The following TP53INP1 variants were observed in gnomAD, a reference collection of about 807,000 sequenced individuals.
TP53INP1 encodes the protein tumor protein p53 inducible nuclear protein 1, also known as tumor protein p53-inducible nuclear protein 1.
Under a neutral mutation model 21.0 loss-of-function variants are expected in TP53INP1, and 12 were observed. The ratio of observed to expected loss-of-function variants is 0.57; its 90% confidence interval spans 0.37 to 0.93. TP53INP1 has a LOEUF of 0.93. TP53INP1 is among the 40% of genes least tolerant of loss of function. The probability of loss-of-function intolerance (pLI) is 0.01; values close to 1 mark genes in which losing one functional copy is unlikely to be tolerated. For synonymous variants in TP53INP1, 91 were observed against 94.8 expected (o/e 0.96, Z 0.23); for missense variants, 274 against 294.7 (o/e 0.93, Z 0.51).
At position 94,942,239 on chromosome 8, in the gene TP53INP1, A is replaced by G. The variant is rs181292924; in HGVS notation, c.-150-1148T>C. ...TTTTATTTAGTGGAGACAGGGTTTC[A>G]CCATGTTAGCCAGGATGGTCTCGAT... On this transcript the variant is annotated intron_variant, in intron 1 of 3. Coordinates refer to ENST00000342697, the MANE Select transcript of TP53INP1 (RefSeq NM_033285.4). Among the ~76,000 whole-genome samples the G allele has an allele frequency of 9.4e-4, 143 of 151,696 alleles. 3 individuals carry two copies. Among genetic ancestry groups the G allele is most frequent in the Admixed American group, 1.2e-3 (19 of 15,232 alleles).
At chr8:94,932,689 G>A (rs1820536725) in intron 3 of TP53INP1, among the ~76,000 whole-genome samples, 2 of 152,192 alleles carry the variant, frequency 1.3e-5, no homozygotes, top group Admixed American at 6.5e-5. Flanking sequence ...TGTAGTCCCA[G>A]CTACTCGGGA....
intron 3 of TP53INP1, among the ~76,000 whole-genome samples, chr8:94,937,582 G>C (rs551451002): frequency 6.6e-6 from 1 of 152,254 alleles, no homozygotes; most frequent in East Asian, 1.9e-4. Flanking sequence ...TGCAATTCTA[G>C]CCAAGGGTTA....
chr8:94,933,907 C>A (rs36118131), intron 3 of TP53INP1, among the ~76,000 whole-genome samples: 109,848 of 142,492 alleles, frequency 0.77, 43,789 homozygotes, highest in East Asian at 0.89. Context: ...CCCGTCTCTA[C>A]TAAAAATGCA....
intron 1 of TP53INP1, among the ~76,000 whole-genome samples, chr8:94,943,273 G>C (rs1225219651): frequency 6.6e-6 from 1 of 152,164 alleles, no homozygotes; most frequent in African/African-American, 2.4e-5. Flanking sequence ...AGGAATGCTT[G>C]AGCCTAGGAG....
intron 1 of TP53INP1, among the ~76,000 whole-genome samples, chr8:94,941,928 GT>G (rs35576609): frequency 0.023 from 3,468 of 152,050 alleles, 54 homozygotes; most frequent in African/African-American, 0.04. Flanking sequence ...CCAAAGATAG[GT>G]TTTTTTCCCC....
chr8:94,941,129 G>A lies in TP53INP1; in HGVS notation c.-150-38C>T, dbSNP rs535702702. The A allele has an allele frequency of 1.2e-5, 7 of 577,562 alleles. No individual in the cohort carries two copies. In the South Asian group the frequency reaches 1.3e-4, roughly 11 times the overall value. The allele number at this position is 577,562 out of a possible 1,614,324, so 35.8% of individuals were successfully genotyped here. ...AGAAAAAGGAAGTTATTTCAAATCA[G>A]CATGCACATATATACATAAGTACAT... is the stretch of plus-strand genomic sequence containing the variant. On this transcript the variant is annotated intron_variant, in intron 1 of 3. Coordinates refer to ENST00000342697, the MANE Select transcript of TP53INP1 (RefSeq NM_033285.4).
intron 3 of TP53INP1, chr8:94,932,066 T>A (rs1327747428): frequency 6.2e-7 from 1 of 1,609,460 alleles, no homozygotes; most frequent in Admixed American, 1.7e-5. Context: ...GTGAATATAC[T>A]TACTCTGTGC....
intron 3 of TP53INP1, chr8:94,932,024 C>A: frequency 1.3e-6 from 2 of 1,576,140 alleles, no homozygotes; most frequent in South Asian, 1.2e-5. Context: ...TCCTTTGCCT[C>A]CCTATGCATA....
At chr8:94,936,299 G>A (rs757053766) in intron 3 of TP53INP1, among the ~76,000 whole-genome samples, 20 of 152,162 alleles carry the variant, frequency 1.3e-4, no homozygotes, top group Non-Finnish European at 5.9e-5. Flanking sequence ...GTTTATACAG[G>A]ATCATGTTAT....
chr8:94,938,327 G>T (rs1326472275), intron 3 of TP53INP1, among the ~76,000 whole-genome samples: 2 of 152,204 alleles, frequency 1.3e-5, no homozygotes, highest in South Asian at 2.1e-4. Flanking sequence ...ATATCCTTTT[G>T]TTGTAAGGAA....
At chr8:94,935,274 C>A (rs1230706785) in intron 3 of TP53INP1, among the ~76,000 whole-genome samples, 1 of 152,184 alleles carries the variant, frequency 6.6e-6, no homozygotes. Context: ...CCTGGACCCT[C>A]AACCTAAGAG....
intron 3 of TP53INP1, among the ~76,000 whole-genome samples, chr8:94,937,808 G>A (rs1016335077): frequency 3.9e-5 from 6 of 152,054 alleles, no homozygotes; most frequent in East Asian, 3.8e-4. Flanking sequence ...TTGCAAAACT[G>A]GAGCCAACAA....
chr8:94,931,877 CAA>C (rs748356516), intron 3 of TP53INP1, among the ~76,000 whole-genome samples: 5 of 152,186 alleles, frequency 3.3e-5, no homozygotes, highest in South Asian at 2.1e-4. Context: ...GAGGCTGAAA[CAA>C]GAGAATCACT....
At chr8:94,947,170 G>C (rs1822091584) in intron 1 of TP53INP1, among the ~76,000 whole-genome samples, 1 of 151,620 alleles carries the variant, frequency 6.6e-6, no homozygotes, top group African/African-American at 2.4e-5. Flanking sequence ...CCAATTCCTT[G>C]TTTTCCCTAT....
intron 3 of TP53INP1, among the ~76,000 whole-genome samples, chr8:94,938,132 T>C (rs1821171128): frequency 6.6e-6 from 1 of 152,210 alleles, no homozygotes; most frequent in Non-Finnish European, 1.5e-5. Flanking sequence ...GTATACCAGA[T>C]GCCTGAAAGG....
Position 94,930,556 on chromosome 8 carries a change from T to G in TP53INP1, c.646A>C (p.Arg216=), listed in dbSNP as rs1820293373. ...RNSLRRQNLT[R]DCHPRQVKHN... ...TTGACTTGCCGAGGGTGGCAATCCC[T>G]GGTAAGATTTTGGCGACGAAGGCTA... The change falls in exon 4 of 4, where the codon AGG becomes CGG. Residue 216 remains arginine (R), a synonymous_variant. Transcript: ENST00000342697. 2 of 1,614,132 alleles carry G rather than the reference T, an allele frequency of 1.2e-6. No homozygotes were observed. The highest frequency in any genetic ancestry group is 2.7e-5 in the African/African-American group (2 of 74,952).
chr8:94,946,778 G>A (rs980345688), intron 1 of TP53INP1, among the ~76,000 whole-genome samples: 2 of 149,586 alleles, frequency 1.3e-5, no homozygotes, highest in African/African-American at 2.5e-5. Flanking sequence ...GTGAATTCAG[G>A]ATATTTACTA....
Position 94,930,518 on chromosome 8 carries a change from C to T in TP53INP1, c.684G>A (p.Trp228Ter). The T allele has an allele frequency of 1.2e-6, 2 of 1,614,198 alleles. No individual in the cohort carries two copies. Among genetic ancestry groups the T allele is most frequent in the Non-Finnish European group, 1.7e-6 (2 of 1,180,040 alleles). ...GACGCGGGCAGGGCTGATGAACAAC[C>T]CAGCCATTGTGCTTGACTTGCCGAG... ...CHPRQVKHNG[W>*]VVHQPCPRQY... is the part of the protein sequence containing the mutation. Residue 228 changes from tryptophan to a stop codon, truncating the protein, a stop_gained, in exon 4 of 4, where the codon TGG (tryptophan) becomes TGA (stop). Coordinates refer to ENST00000342697, the MANE Select transcript of TP53INP1 (RefSeq NM_033285.4). LOFTEE classifies it high-confidence loss of function.
At chr8:94,932,544 C>T (rs1193713701) in intron 3 of TP53INP1, among the ~76,000 whole-genome samples, 1 of 152,232 alleles carries the variant, frequency 6.6e-6, no homozygotes. Flanking sequence ...TGGCTCACGC[C>T]TGTAATCCCA....
Sources: gnomAD v4.1 joint callset for allele counts (sites outside exome capture counted in the v4.1 genomes callset) on GRCh38, gnomAD v4.1.1 for gene constraint, MANE v1.5 for transcripts, NCBI Gene and HGNC (gene_info 2026-07-23, HGNC 2026-07-21) for gene names.